The following RBL2 variants were observed in gnomAD, a reference collection of about 807,000 sequenced individuals.
RBL2 encodes RB transcriptional corepressor like 2, also known as retinoblastoma-like protein 2.
Under a neutral mutation model 126.0 loss-of-function variants are expected in RBL2, and 56 were observed. The ratio of observed to expected loss-of-function variants is 0.44; its 90% CI spans 0.36 to 0.56. RBL2 has a LOEUF of 0.56. Ranked by LOEUF, RBL2 falls within the 20% of genes least tolerant of loss-of-function variation. The pLI, the probability that RBL2 is intolerant of heterozygous loss-of-function variation, is 0.00. For synonymous variants in RBL2, 454 were observed against 478.5 expected, an observed-to-expected ratio of 0.95 and a Z score of 0.67; for missense variants, 1,229 against 1,398.2, an observed-to-expected ratio of 0.88 and a Z score of 1.93.
At chr16:53,457,094 A>G (rs1020198886) in intron 8 of RBL2, among the ~76,000 whole-genome samples, 110 of 151,832 alleles carry the variant, frequency 7.2e-4, no homozygotes, top group African/African-American at 2.4e-3. Flanking sequence ...AAGGGGAATC[A>G]AGAGTTAGGG....
intron 17 of RBL2, among the ~76,000 whole-genome samples, chr16:53,475,678 C>G (rs1279242128): frequency 6.6e-6 from 1 of 151,850 alleles, no homozygotes; most frequent in Non-Finnish European, 1.5e-5. Flanking sequence ...TTTCTGCTTA[C>G]TTGAGGCTTA....
chr16:53,464,134 C>A, intron 11 of RBL2, 92 bp from the exon 12 acceptor site: 1 of 1,082,232 alleles, frequency 9.2e-7, no homozygotes, highest in Non-Finnish European at 1.3e-6. Context: ...GAAAATGAGA[C>A]TTTCTTTGGT....
chr16:53,434,815 G>T lies in RBL2; in HGVS notation c.240+19G>T. 6.7e-7 allele frequency: 1 copy of T among 1,483,452 alleles called. No homozygotes were observed. The highest frequency in any genetic ancestry group is 1.2e-5 in the South Asian group (1 of 80,454). 91.9% of individuals were successfully genotyped at this position (1,483,452 alleles called of 1,614,324 possible). On this transcript the variant is annotated intron_variant, in intron 1 of 21. Transcript: ENST00000262133. ...GCTGGAGGTGCGCTCGCGGGCGGAG[G>T]GGCGCTTCCGGCCTAGTTGGCGTGA... is the stretch of plus-strand genomic sequence containing the variant.
Position 53,434,533 on chromosome 16 carries a change from G to C in RBL2, c.-24G>C. 1 of 1,431,194 alleles carries C rather than the reference G, an allele frequency of 7.0e-7. No homozygotes were observed. The highest frequency in any genetic ancestry group is 9.1e-7 in the Non-Finnish European group (1 of 1,098,684). The allele number at this position is 1,431,194 out of a possible 1,614,324, so 88.7% of individuals were successfully genotyped here. A position where few individuals can be genotyped will look rare whatever the true frequency, so the allele number is the denominator to read the frequency against. ...GGGCCCGGGCCCTCACCTCACCTGA[G>C]GTCCGGCCGCCCAGGGGTGCGCTAT... On this transcript the variant is annotated 5_prime_UTR_variant, in exon 1 of 22. Coordinates refer to ENST00000262133, the MANE Select transcript of RBL2 (RefSeq NM_005611.4).
intron 21 of RBL2, chr16:53,489,421 C>CT (rs1961309476): frequency 6.6e-6 from 1 of 152,204 alleles, no homozygotes; most frequent in Non-Finnish European, 1.5e-5. Flanking sequence ...TTTTAACCAA[C>CT]AAACTAGCAG....
chr16:53,458,748 A>G (rs1002085079), intron 8 of RBL2, among the ~76,000 whole-genome samples: 2 of 152,296 alleles, frequency 1.3e-5, no homozygotes, highest in African/African-American at 4.8e-5. Flanking sequence ...TGGCGGTGGC[A>G]AGAGAAAAAT....
At position 53,467,536 on chromosome 16, in the gene RBL2, C is replaced by T. The variant is rs1237208815; in HGVS notation, c.1975+367C>T. On this transcript the variant is annotated intron_variant, in intron 14 of 21. Transcript: ENST00000262133. Reference sequence around the variant, plus strand: ...CTGAGTAGCTGGGACTACAGGCATGCGCCACCACGCCTAGCTAATTTTTGT... The same window carrying T: ...CTGAGTAGCTGGGACTACAGGCATGTGCCACCACGCCTAGCTAATTTTTGT... Among the ~76,000 whole-genome samples the T allele has an allele frequency of 1.1e-4, 16 of 152,126 alleles. No homozygotes were observed. In the South Asian group the frequency reaches 1.2e-3, roughly 12 times the overall value.
chr16:53,459,367 T>C (rs1598105968), intron 8 of RBL2, 84 bp from the exon 9 acceptor site: 1 of 1,123,996 alleles, frequency 8.9e-7, no homozygotes, highest in African/African-American at 1.6e-5. Flanking sequence ...GTCCCATTTG[T>C]GAAGTGAATT....
intron 17 of RBL2, 124 bp downstream of exon 17, chr16:53,471,046 A>C: frequency 1.0e-6 from 1 of 994,982 alleles, no homozygotes; most frequent in Non-Finnish European, 1.5e-6. Flanking sequence ...GCACAACTAA[A>C]TGGGTCTTAG....
At chr16:53,438,880 TG>T (rs1263658262) in intron 1 of RBL2, 135 bp from the exon 2 acceptor site, 1 of 294,348 alleles carries the variant, frequency 3.4e-6, no homozygotes, top group African/African-American at 2.4e-5. Context: ...AAAGAGCGTA[TG>T]AGATAGGGTC....
At chr16:53,438,122 A>G (rs898886823) in intron 1 of RBL2, among the ~76,000 whole-genome samples, 2 of 152,214 alleles carry the variant, frequency 1.3e-5, no homozygotes, top group Non-Finnish European at 2.9e-5. Context: ...GCAGAAAGCA[A>G]TTTGTTTTGG....
Position 53,491,099 on chromosome 16 carries a change from A to G in RBL2, c.*799A>G, listed in dbSNP as rs1961416930. ...TTTTTTAAAATGTTAAAACCCCTATAGCCACCTTTTGGGAATGTTTTAAAT... is the reference window on the plus strand; with the variant it reads ...TTTTTTAAAATGTTAAAACCCCTATGGCCACCTTTTGGGAATGTTTTAAAT... On this transcript the variant is annotated 3_prime_UTR_variant, in exon 22 of 22. Transcript: ENST00000262133. The G allele has an allele frequency of 6.6e-6, 1 of 152,642 alleles. No homozygotes were observed. The highest frequency in any genetic ancestry group is 1.5e-5 in the Non-Finnish European group (1 of 68,040). 9.5% of individuals were successfully genotyped at this position (152,642 alleles called of 1,614,324 possible). A position where few individuals can be genotyped will look rare whatever the true frequency, so the allele number is the denominator to read the frequency against.
At chr16:53,480,221 T>C (rs1960889197) in intron 19 of RBL2, 2 of 538,238 alleles carry the variant, frequency 3.7e-6, no homozygotes, top group South Asian at 2.4e-5. Flanking sequence ...GGGAGGAATC[T>C]GCTTGCCTGA....
At chr16:53,468,633 C>G (rs1045541432) in intron 14 of RBL2, among the ~76,000 whole-genome samples, 3 of 152,118 alleles carry the variant, frequency 2.0e-5, no homozygotes, top group Non-Finnish European at 2.9e-5. Flanking sequence ...CTTTCTGATT[C>G]TGCAGCTTTG....
At chr16:53,487,760 ATCTGTACACGT>A (rs1232861689) in intron 21 of RBL2, 1 of 152,232 alleles carries the variant, frequency 6.6e-6, no homozygotes, top group Non-Finnish European at 1.5e-5. Flanking sequence ...CTATTAGAAA[ATCTGTACACGT>A]TCCATATCTG....
chr16:53,484,184 C>T (rs773160608), intron 21 of RBL2, among the ~76,000 whole-genome samples: 13 of 152,004 alleles, frequency 8.6e-5, no homozygotes, highest in Non-Finnish European at 1.5e-4. Flanking sequence ...ATGATTCTGA[C>T]GGCTTAAATT....
At chr16:53,459,429 G>T (rs745915816) in intron 8 of RBL2, 22 bp from the exon 9 acceptor site, 3 of 1,575,558 alleles carry the variant, frequency 1.9e-6, no homozygotes, top group Non-Finnish European at 2.6e-6. Context: ...TATTAATTCT[G>T]TGTAATTTTT....
At chr16:53,478,820 C>T in intron 17 of RBL2, 1 of 203,340 alleles carries the variant, frequency 4.9e-6, no homozygotes. Context: ...CTGGGTTTCA[C>T]CATGATGGCC....
intron 14 of RBL2, among the ~76,000 whole-genome samples, chr16:53,469,341 G>A (rs2150812800): frequency 6.6e-6 from 1 of 152,280 alleles, no homozygotes; most frequent in South Asian, 2.1e-4. Flanking sequence ...ATGCTTAACT[G>A]AATCCAAATC....
Sources: allele counts gnomAD v4.1 joint callset (sites outside exome capture counted in the v4.1 genomes callset), GRCh38; gene constraint gnomAD v4.1.1; transcripts MANE v1.5; gene names NCBI Gene and HGNC (gene_info 2026-07-23, HGNC 2026-07-21).